ABCG2: variants seen among roughly 807,000 people sequenced by gnomAD.
The protein encoded by ABCG2 is ATP binding cassette subfamily G member 2 (JR blood group).
Under a neutral mutation model 73.5 loss-of-function variants are expected in ABCG2, and 80 were observed. The observed-to-expected ratio is 1.09, with a 90% CI of 0.91 to 1.31. ABCG2 has a LOEUF of 1.31. Ranked by LOEUF, ABCG2 falls within the 50% of genes most tolerant of loss-of-function variation. The pLI, the probability that ABCG2 is intolerant of heterozygous loss-of-function variation, is 0.00. For missense variants in ABCG2, 796 were observed against 786.2 expected, an observed-to-expected ratio of 1.01 and a Z score of -0.15; for synonymous variants, 269 against 282.4, an observed-to-expected ratio of 0.95 and a Z score of 0.48.
chr4:88,104,643 A>G (rs947372781), intron 10 of ABCG2, among the ~76,000 whole-genome samples: 25 of 136,570 alleles, frequency 1.8e-4, no homozygotes, highest in African/African-American at 5.9e-4. Context: ...CATCCTGCAC[A>G]TGTACCCTAG....
chr4:88,188,416 T>G (rs1309110159), intron 1 of ABCG2, among the ~76,000 whole-genome samples: 1 of 151,942 alleles, frequency 6.6e-6, no homozygotes, highest in East Asian at 1.9e-4. Flanking sequence ...AGAGATGAGG[T>G]CTCACTGTGT....
chr4:88,225,610 G>A (rs1242022388), intron 1 of ABCG2, among the ~76,000 whole-genome samples: 2 of 152,176 alleles, frequency 1.3e-5, no homozygotes, highest in African/African-American at 2.4e-5. Context: ...AGTTCTCACA[G>A]GGCTTTGATG....
chr4:88,228,590 T>C, intron 1 of ABCG2, among the ~76,000 whole-genome samples: 1 of 152,236 alleles, frequency 6.6e-6, no homozygotes. Context: ...GGGAATGTTA[T>C]TTGAAACTTA....
At chr4:88,158,203 G>A (rs1727081311) in intron 1 of ABCG2, among the ~76,000 whole-genome samples, 183 bp downstream of exon 1, 1 of 152,144 alleles carries the variant, frequency 6.6e-6, no homozygotes, top group African/African-American at 2.4e-5. Context: ...ATCATTTTCT[G>A]AAAAACCACT....
chr4:88,143,892 C>T (rs935136444), intron 1 of ABCG2, among the ~76,000 whole-genome samples: 1 of 152,106 alleles, frequency 6.6e-6, no homozygotes, highest in Admixed American at 6.6e-5. Flanking sequence ...ATAAAATATA[C>T]CAACTCAGCA....
chr4:88,111,960 G>A (rs779971869), intron 9 of ABCG2, among the ~76,000 whole-genome samples: 9 of 151,964 alleles, frequency 5.9e-5, no homozygotes, highest in Middle Eastern at 3.4e-3. Context: ...TGTGGTGCAC[G>A]GCTGTAGTCA....
rs1294829271 is a variant in ABCG2, at chr4:88,132,646, A to G, written c.204-11T>C. On this transcript the variant is annotated splice_polypyrimidine_tract_variant and intron_variant, in intron 2 of 15. Coordinates refer to ENST00000237612, the MANE Select transcript of ABCG2 (RefSeq NM_004827.3). ...GGTTTCATGATCCCACTGTAAACAC[A>G]AAAACAGACTGATTTACTATTCCAT... 1 of 1,614,004 alleles carries G rather than the reference A, an allele frequency of 6.2e-7. No individual in the cohort carries two copies.
At chr4:88,203,356 C>A (rs1262589070) in intron 1 of ABCG2, among the ~76,000 whole-genome samples, 1 of 152,148 alleles carries the variant, frequency 6.6e-6, no homozygotes, top group African/African-American at 2.4e-5. Flanking sequence ...AGGGCCCCAG[C>A]AAACTGACAG....
intron 1 of ABCG2, among the ~76,000 whole-genome samples, chr4:88,219,745 C>CT (rs1384565182): frequency 1.8e-5 from 2 of 112,202 alleles, no homozygotes; most frequent in East Asian, 5.7e-4. Context: ...CCACGCCTGG[C>CT]TATTTTTTTT....
chr4:88,094,277 C>G (rs1024903951), intron 15 of ABCG2, among the ~76,000 whole-genome samples: 5 of 152,034 alleles, frequency 3.3e-5, no homozygotes, highest in African/African-American at 1.2e-4. Flanking sequence ...CTCTGAAAAC[C>G]AAGAATTCAA....
At chr4:88,194,015 G>T (rs1262727199) in intron 1 of ABCG2, among the ~76,000 whole-genome samples, 1 of 152,140 alleles carries the variant, frequency 6.6e-6, no homozygotes, top group Non-Finnish European at 1.5e-5. Context: ...AACCTAATGG[G>T]ATTACAGGCG....
intron 1 of ABCG2, among the ~76,000 whole-genome samples, chr4:88,155,494 G>GT (rs1201890200): frequency 1.3e-5 from 2 of 152,206 alleles, no homozygotes; most frequent in Non-Finnish European, 2.9e-5. Context: ...ATCTGGATGT[G>GT]TAAGTGTAGG....
At chr4:88,151,016 T>A (rs1726440544) in intron 1 of ABCG2, among the ~76,000 whole-genome samples, 1 of 152,108 alleles carries the variant, frequency 6.6e-6, no homozygotes, top group Non-Finnish European at 1.5e-5. Context: ...TAAATGACAG[T>A]GGTTCAGCTT....
At chr4:88,182,763 G>C (rs1241921931) in intron 1 of ABCG2, among the ~76,000 whole-genome samples, 1 of 152,092 alleles carries the variant, frequency 6.6e-6, no homozygotes, top group East Asian at 1.9e-4. Context: ...AGTACTAACA[G>C]GGAAGTTTAT....
chr4:88,140,041 T>G (rs750369882), intron 1 of ABCG2, 27 bp from the exon 2 acceptor site: 1 of 1,578,334 alleles, frequency 6.3e-7, no homozygotes, highest in East Asian at 2.2e-5. Context: ...AATAGTAAGT[T>G]GATAGTCCAG....
intron 1 of ABCG2, among the ~76,000 whole-genome samples, chr4:88,200,944 C>A (rs1246946934): frequency 6.6e-6 from 1 of 151,232 alleles, no homozygotes; most frequent in Non-Finnish European, 1.5e-5. Flanking sequence ...TTGTGGGATG[C>A]AGCAATTGCA....
At chr4:88,202,350 T>TTTATATATATATATATATATATATATA (rs1553945696) in intron 1 of ABCG2, among the ~76,000 whole-genome samples, 1 of 35,394 alleles carries the variant, frequency 2.8e-5, no homozygotes, top group South Asian at 2.4e-3. Context: ...ATCTCTACAA[T>TTTATATATATATATATATATATATATA]TATTTATATA....
At chr4:88,228,483 GT>G (rs1158622920) in intron 1 of ABCG2, among the ~76,000 whole-genome samples, 3 of 152,206 alleles carry the variant, frequency 2.0e-5, no homozygotes, top group African/African-American at 7.2e-5. Flanking sequence ...CCGCTGTTGG[GT>G]GGGCTGATTA....
chr4:88,218,960 T>C (rs6811971), intron 1 of ABCG2, among the ~76,000 whole-genome samples: 1 of 152,084 alleles, frequency 6.6e-6, no homozygotes, highest in Non-Finnish European at 1.5e-5. Context: ...CCATTGACGG[T>C]AGGTAAATGA....
Sources: allele counts gnomAD v4.1 joint callset (sites outside exome capture counted in the v4.1 genomes callset), GRCh38; gene constraint gnomAD v4.1.1; transcripts MANE v1.5; gene names NCBI Gene and HGNC (gene_info 2026-07-23, HGNC 2026-07-21).